Variants in CNTN5 observed in about 807,000 individuals in gnomAD.
CNTN5 encodes the protein contactin-5.
CNTN5 carries 77 observed loss-of-function variants against 129.1 expected under a neutral mutation model. The ratio of observed to expected loss-of-function variants is 0.60; its 90% CI spans 0.50 to 0.72. The LOEUF (loss-of-function observed/expected upper bound fraction) is 0.72. Ranked by LOEUF, CNTN5 falls within the 30% of genes least tolerant of loss-of-function variation. The probability of loss-of-function intolerance (pLI) is 0.00; values close to 1 mark genes in which losing one functional copy is unlikely to be tolerated. For missense variants in CNTN5, 1,478 were observed against 1,328.8 expected, an observed-to-expected ratio of 1.11 and a Z score of -1.75; for synonymous variants, 509 against 465.6, an observed-to-expected ratio of 1.09 and a Z score of -1.20.
intron 1 of CNTN5, among the ~76,000 whole-genome samples, chr11:99,268,664 A>G (rs1863022003): frequency 2.6e-5 from 4 of 151,998 alleles, no homozygotes; most frequent in Admixed American, 1.3e-4. Context: ...AATTGGATCA[A>G]CACACATCAC....
At chr11:99,950,163 C>A (rs549961771) in intron 7 of CNTN5, among the ~76,000 whole-genome samples, 1 of 152,252 alleles carries the variant, frequency 6.6e-6, no homozygotes, top group East Asian at 1.9e-4. Flanking sequence ...CTTTTGCATT[C>A]TTCACAACAT....
intron 13 of CNTN5, among the ~76,000 whole-genome samples, chr11:100,118,799 T>G (rs574352212): frequency 1.3e-5 from 2 of 151,990 alleles, no homozygotes; most frequent in South Asian, 4.1e-4. Context: ...TTTAAATTTT[T>G]TATGTATAAT....
At chr11:99,536,360 A>G (rs912701411) in intron 2 of CNTN5, among the ~76,000 whole-genome samples, 1 of 152,128 alleles carries the variant, frequency 6.6e-6, no homozygotes, top group African/African-American at 2.4e-5. Context: ...GCCTGTAACA[A>G]TAAAACAGGT....
chr11:99,066,522 G>A (rs1865110517), intron 1 of CNTN5, among the ~76,000 whole-genome samples: 1 of 152,118 alleles, frequency 6.6e-6, no homozygotes, highest in African/African-American at 2.4e-5. Context: ...AATACATGTG[G>A]AAATTGTCCA....
chr11:99,870,348 A>C (rs1173333499), intron 6 of CNTN5, among the ~76,000 whole-genome samples: 2 of 152,120 alleles, frequency 1.3e-5, no homozygotes, highest in Non-Finnish European at 2.9e-5. Flanking sequence ...CACTCCTTAC[A>C]CGTTCCAACC....
At chr11:99,837,781 C>G (rs1398103956) in intron 4 of CNTN5, among the ~76,000 whole-genome samples, 1 of 150,556 alleles carries the variant, frequency 6.6e-6, no homozygotes, top group African/African-American at 2.4e-5. Flanking sequence ...ATAAAGTGGG[C>G]TCTTAGGAAA....
chr11:99,447,291 A>G (rs1944109824), intron 2 of CNTN5, among the ~76,000 whole-genome samples: 1 of 152,222 alleles, frequency 6.6e-6, no homozygotes, highest in Non-Finnish European at 1.5e-5. Flanking sequence ...GCACAACTTC[A>G]GAGTAAACTT....
intron 15 of CNTN5, among the ~76,000 whole-genome samples, chr11:100,194,079 A>G (rs1948572431): frequency 6.6e-6 from 1 of 152,018 alleles, no homozygotes; most frequent in African/African-American, 2.4e-5. Flanking sequence ...TTTACAAGCT[A>G]TAGAGCTTAA....
At chr11:99,834,769 A>G (rs752407061) in intron 4 of CNTN5, among the ~76,000 whole-genome samples, 2 of 152,136 alleles carry the variant, frequency 1.3e-5, no homozygotes, top group Non-Finnish European at 2.9e-5. Context: ...TGGGGTTACT[A>G]CTAAGGCTCA....
At chr11:99,618,499 T>C (rs1018822761) in intron 3 of CNTN5, among the ~76,000 whole-genome samples, 2 of 152,180 alleles carry the variant, frequency 1.3e-5, no homozygotes, top group Non-Finnish European at 2.9e-5. Context: ...GATAACCAAA[T>C]TTAACTGTTC....
chr11:99,145,289 C>T (rs758950999), intron 1 of CNTN5, among the ~76,000 whole-genome samples: 9 of 152,102 alleles, frequency 5.9e-5, no homozygotes, highest in African/African-American at 9.6e-5. Flanking sequence ...AGGCTGGTCT[C>T]GAACTCCTGG....
intron 3 of CNTN5, among the ~76,000 whole-genome samples, chr11:99,642,170 C>T (rs1390436084): frequency 1.3e-5 from 2 of 152,054 alleles, no homozygotes; most frequent in Non-Finnish European, 2.9e-5. Flanking sequence ...TGAAAAATTC[C>T]ATTTGATGTG....
intron 9 of CNTN5, among the ~76,000 whole-genome samples, chr11:100,010,588 A>G (rs533581983): frequency 6.6e-5 from 10 of 151,860 alleles, no homozygotes; most frequent in Non-Finnish European, 1.2e-4. Context: ...CAGCCTTGCA[A>G]TCTCCCTACA....
chr11:100,267,959 T>C (rs370457687), intron 17 of CNTN5, among the ~76,000 whole-genome samples: 27 of 152,248 alleles, frequency 1.8e-4, no homozygotes, highest in African/African-American at 6.5e-4. Flanking sequence ...ACAGAGGTCA[T>C]AAAAATGGTC....
chr11:99,515,949 GAAAAA>G (rs35512504), intron 2 of CNTN5, among the ~76,000 whole-genome samples: 1 of 143,784 alleles, frequency 7.0e-6, no homozygotes, highest in Non-Finnish European at 1.5e-5. Context: ...ATAATTTTAT[GAAAAA>G]AAAAAAACAA....
chr11:99,574,428 T>G (rs1949280046), intron 3 of CNTN5, among the ~76,000 whole-genome samples: 1 of 152,218 alleles, frequency 6.6e-6, no homozygotes, highest in African/African-American at 2.4e-5. Context: ...TACCCAGTAA[T>G]GGATTGCTGG....
At chr11:99,246,922 A>G (rs968225721) in intron 1 of CNTN5, among the ~76,000 whole-genome samples, 1 of 152,180 alleles carries the variant, frequency 6.6e-6, no homozygotes, top group Non-Finnish European at 1.5e-5. Flanking sequence ...CAAAATATTA[A>G]TCCATATAAT....
At chr11:99,393,191 C>A (rs952771232) in intron 2 of CNTN5, among the ~76,000 whole-genome samples, 8 of 151,778 alleles carry the variant, frequency 5.3e-5, no homozygotes, top group African/African-American at 1.9e-4. Context: ...AAAGTGTACT[C>A]AGTAGTTAAA....
chr11:100,295,540 A>C (rs1185274019), intron 18 of CNTN5, among the ~76,000 whole-genome samples: 1 of 151,496 alleles, frequency 6.6e-6, no homozygotes, highest in Admixed American at 6.6e-5. Context: ...GTGAAACAAT[A>C]CTACCAAAGC....
Sources: allele counts gnomAD v4.1 joint callset (sites outside exome capture counted in the v4.1 genomes callset), GRCh38; gene constraint gnomAD v4.1.1; transcripts MANE v1.5; gene names NCBI Gene and HGNC (gene_info 2026-07-23, HGNC 2026-07-21).